The following DGKB variants were observed in gnomAD, a reference collection of about 807,000 sequenced individuals.
DGKB encodes 90 kDa diacylglycerol kinase.
Under a neutral mutation model 114.3 loss-of-function variants are expected in DGKB, and 67 were observed. That is an observed-to-expected ratio of 0.59 (90% confidence interval 0.48 to 0.72). DGKB has a LOEUF of 0.72. Among genes scored for constraint, DGKB ranks in the 30% least tolerant of loss-of-function variants. The probability of loss-of-function intolerance (pLI) is 0.00; values close to 1 mark genes in which losing one functional copy is unlikely to be tolerated. For synonymous variants in DGKB, 398 were observed against 323.1 expected (o/e 1.23, Z -2.49); for missense variants, 907 against 975.2 (o/e 0.93, Z 0.93).
chr7:14,859,403 C>T (rs892505453), intron 1 of DGKB, among the ~76,000 whole-genome samples: 3 of 151,988 alleles, frequency 2.0e-5, no homozygotes, highest in African/African-American at 7.2e-5. Context: ...TATATTTGTT[C>T]AGAGTCAGAA....
chr7:14,461,616 C>G (rs1185514103), intron 21 of DGKB, among the ~76,000 whole-genome samples: 1 of 151,928 alleles, frequency 6.6e-6, no homozygotes, highest in Admixed American at 6.6e-5. Flanking sequence ...TAATTAATAG[C>G]CTACAAACCA....
intron 1 of DGKB, among the ~76,000 whole-genome samples, chr7:14,848,582 G>A (rs1018162551): frequency 6.6e-6 from 1 of 152,204 alleles, no homozygotes; most frequent in Non-Finnish European, 1.5e-5. Context: ...GTGACAAAAA[G>A]CTATTCCCCT....
At chr7:14,713,414 TTTAAAAG>T (rs1827681324) in intron 6 of DGKB, among the ~76,000 whole-genome samples, 1 of 129,826 alleles carries the variant, frequency 7.7e-6, no homozygotes, top group Non-Finnish European at 1.7e-5. Context: ...TTTAATAAAC[TTTAAAAG>T]CAGAGGTGAA....
chr7:14,683,759 A>G (rs1252301231), intron 10 of DGKB, among the ~76,000 whole-genome samples: 3 of 152,138 alleles, frequency 2.0e-5, no homozygotes, highest in Non-Finnish European at 4.4e-5. Context: ...AATAATATTT[A>G]TATAGTAAAA....
At chr7:14,851,543 C>T (rs940479345) in intron 1 of DGKB, among the ~76,000 whole-genome samples, 8 of 152,162 alleles carry the variant, frequency 5.3e-5, no homozygotes, top group East Asian at 1.9e-4. Context: ...AATGATGATA[C>T]GATACCTTTC....
rs1403340469 is a variant in DGKB, at chr7:14,485,094, CACCACACA to C, written c.1771-6877_1771-6870del. ...TGATAATTACTGAAAGACACACACA[CACCACACA>C]CACACACACACACACACACACACAC... On this transcript the variant is annotated intron_variant, in intron 20 of 25. Transcript: ENST00000402815. Among the ~76,000 whole-genome samples, 11 of 75,342 alleles carry C rather than the reference CACCACACA, an allele frequency of 1.5e-4. No homozygotes were observed. In the South Asian group the frequency reaches 1.9e-3, roughly 13 times the overall value. 49.4% of individuals were successfully genotyped at this position (75,342 alleles called of 152,430 possible). A position where few individuals can be genotyped will look rare whatever the true frequency, so the allele number is the denominator to read the frequency against.
intron 1 of DGKB, among the ~76,000 whole-genome samples, chr7:14,884,818 A>C (rs1333248693): frequency 2.0e-5 from 3 of 151,998 alleles, no homozygotes; most frequent in Non-Finnish European, 2.9e-5. Context: ...CAGAAAAGAT[A>C]CTAAATATTC....
intron 2 of DGKB, among the ~76,000 whole-genome samples, chr7:14,797,723 T>C (rs755787250): frequency 3.9e-5 from 6 of 152,096 alleles, no homozygotes; most frequent in Non-Finnish European, 7.4e-5. Flanking sequence ...ATCCTGTAGT[T>C]CAGTGAGAGG....
intron 4 of DGKB, among the ~76,000 whole-genome samples, chr7:14,744,599 A>G (rs1425918668): frequency 6.6e-6 from 1 of 152,192 alleles, no homozygotes; most frequent in Non-Finnish European, 1.5e-5. Context: ...CCTATCTGAG[A>G]TTCCTTATGG....
Position 14,198,089 on chromosome 7 carries a change from G to C in DGKB, c.2123-19938C>G, listed in dbSNP as rs572288361. 2.0e-5 allele frequency among the ~76,000 whole-genome samples: 3 copies of C among 152,172 alleles called. No homozygotes were observed. In the South Asian group the frequency reaches 6.2e-4, roughly 32 times the overall value. Reference sequence around the variant, plus strand: ...AGTTCTTTCCTTTGCCTCAGCAAAGGATTGAAATTAGCATTTGGGACTAAA... The same window carrying C: ...AGTTCTTTCCTTTGCCTCAGCAAAGCATTGAAATTAGCATTTGGGACTAAA... On this transcript the variant is annotated intron_variant, in intron 23 of 25. Coordinates refer to ENST00000402815, the MANE Select transcript of DGKB (RefSeq NM_001350709.2).
At chr7:14,336,342 T>C (rs1249203184) in intron 23 of DGKB, among the ~76,000 whole-genome samples, 6 of 152,152 alleles carry the variant, frequency 3.9e-5, no homozygotes, top group Non-Finnish European at 8.8e-5. Flanking sequence ...TCATTCTTGG[T>C]TCTGAGATTA....
Position 14,577,554 on chromosome 7 carries a change from C to T in DGKB, c.1610-3182G>A, listed in dbSNP as rs529256057. Among the ~76,000 whole-genome samples the T allele has an allele frequency of 2.0e-5, 3 of 152,082 alleles. No homozygotes were observed. In the South Asian group the frequency reaches 6.2e-4, roughly 32 times the overall value. On this transcript the variant is annotated intron_variant, in intron 19 of 25. Coordinates refer to ENST00000402815, the MANE Select transcript of DGKB (RefSeq NM_001350709.2). ...ATGGCGTGAACCCGGGGGGCGGAGC[C>T]TGCAGTGAGCTGAGATTGCGCCACT...
chr7:14,195,789 T>C (rs1434941700), intron 23 of DGKB, among the ~76,000 whole-genome samples: 1 of 152,146 alleles, frequency 6.6e-6, no homozygotes, highest in Non-Finnish European at 1.5e-5. Context: ...GGAAAAGTGA[T>C]TTACAGTAAA....
chr7:14,726,332 G>T (rs980096602), intron 5 of DGKB, among the ~76,000 whole-genome samples: 2 of 151,852 alleles, frequency 1.3e-5, no homozygotes, highest in African/African-American at 4.8e-5. Context: ...TAGAGACGGG[G>T]TTTTTTTATG....
chr7:14,660,745 A>T (rs1404372441), intron 13 of DGKB, among the ~76,000 whole-genome samples: 4 of 152,036 alleles, frequency 2.6e-5, no homozygotes. Flanking sequence ...CGCATCGCCA[A>T]GTCAATCCTG....
intron 21 of DGKB, among the ~76,000 whole-genome samples, chr7:14,461,881 G>A (rs1219897539): frequency 6.6e-6 from 1 of 152,118 alleles, no homozygotes; most frequent in Non-Finnish European, 1.5e-5. Context: ...AGCAAATCCA[G>A]CAGGACGTCA....
intron 23 of DGKB, among the ~76,000 whole-genome samples, chr7:14,216,152 A>G (rs1383471569): frequency 6.6e-6 from 1 of 152,188 alleles, no homozygotes; most frequent in Non-Finnish European, 1.5e-5. Context: ...TTAAGGAAAT[A>G]ATATGAACAC....
chr7:14,529,324 T>A (rs1791172187), intron 20 of DGKB, among the ~76,000 whole-genome samples: 1 of 151,886 alleles, frequency 6.6e-6, no homozygotes, highest in Non-Finnish European at 1.5e-5. Context: ...AACATGTGTT[T>A]GTTATAAAAG....
At chr7:14,434,586 C>A (rs1563176509) in intron 21 of DGKB, among the ~76,000 whole-genome samples, 1 of 152,146 alleles carries the variant, frequency 6.6e-6, no homozygotes, top group African/African-American at 2.4e-5. Flanking sequence ...GAAAGCAGCT[C>A]ATTGGACACT....
Sources: allele counts gnomAD v4.1 joint callset (sites outside exome capture counted in the v4.1 genomes callset), GRCh38; gene constraint gnomAD v4.1.1; transcripts MANE v1.5; gene names NCBI Gene and HGNC (gene_info 2026-07-23, HGNC 2026-07-21).